SYNRG: variants seen among roughly 807,000 people sequenced by gnomAD.
The protein encoded by SYNRG is AP1 gamma subunit binding protein 1.
A neutral mutation model predicts 130.9 loss-of-function variants in SYNRG; 37 were observed. The ratio of observed to expected loss-of-function variants is 0.28; its 90% CI spans 0.22 to 0.37. SYNRG has a LOEUF of 0.37. Ranked by LOEUF, SYNRG falls within the 10% of genes least tolerant of loss-of-function variation. The pLI, the probability that SYNRG is intolerant of heterozygous loss-of-function variation, is 1.00. For missense variants in SYNRG, 1,338 were observed against 1,588.9 expected (o/e 0.84, Z 2.68); for synonymous variants, 539 against 568.1 (o/e 0.95, Z 0.73).
Position 37,584,748 on chromosome 17 carries a change from C to T in SYNRG, c.489G>A (p.Lys163=), listed in dbSNP as rs1352066699. ...TGGCTTCCAAAGCATCATCTCTACT[C>T]TTCTCTCCTGTCTAAGAGACAACAA... The part of the protein sequence containing the change: ...LSSVKPKTGE[K]SRDDALEAIK... Residue 163 remains lysine (K), a synonymous_variant, in exon 6 of 22, where the codon AAG becomes AAA. Transcript: ENST00000612223. 5 of 1,612,506 alleles carry T rather than the reference C, an allele frequency of 3.1e-6. No homozygotes were observed. The highest frequency in any genetic ancestry group is 1.3e-5 in the African/African-American group (1 of 75,036).
At chr17:37,540,627 CTT>C (rs2057664303) in intron 15 of SYNRG, 84 bp from the exon 16 acceptor site, 3 of 864,482 alleles carry the variant, frequency 3.5e-6, no homozygotes, top group Admixed American at 3.3e-5. Flanking sequence ...CCACAACCCT[CTT>C]CTTTTTTTTT....
At chr17:37,577,116 G>C (rs947279472) in intron 7 of SYNRG, among the ~76,000 whole-genome samples, 1 of 152,096 alleles carries the variant, frequency 6.6e-6, no homozygotes, top group Non-Finnish European at 1.5e-5. Context: ...AAAATAAAAG[G>C]AAAGAAAATT....
intron 1 of SYNRG, 112 bp downstream of exon 1, chr17:37,609,167 A>G: frequency 8.4e-7 from 1 of 1,192,304 alleles, no homozygotes; most frequent in Non-Finnish European, 1.1e-6. Context: ...CTCCTCCCGC[A>G]GCCCAGTTCC....
intron 13 of SYNRG, among the ~76,000 whole-genome samples, chr17:37,558,201 T>C (rs919810464): frequency 2.0e-5 from 3 of 152,218 alleles, no homozygotes; most frequent in African/African-American, 4.8e-5. Flanking sequence ...CTAACAGTTA[T>C]ATGGGGCTGA....
At chr17:37,593,878 CAAAAAA>C (rs36060397) in intron 3 of SYNRG, among the ~76,000 whole-genome samples, 1 of 89,570 alleles carries the variant, frequency 1.1e-5, no homozygotes. Context: ...AACTCCCTCT[CAAAAAA>C]AAAAAAAAAA....
At chr17:37,557,696 C>T (rs1008845590) in intron 13 of SYNRG, among the ~76,000 whole-genome samples, 3 of 152,124 alleles carry the variant, frequency 2.0e-5, no homozygotes, top group Non-Finnish European at 2.9e-5. Flanking sequence ...CTGGGCAACA[C>T]AGCAAGACCC....
intron 3 of SYNRG, among the ~76,000 whole-genome samples, chr17:37,589,652 G>A (rs776487156): frequency 5.3e-5 from 8 of 152,002 alleles, no homozygotes; most frequent in Non-Finnish European, 8.8e-5. Context: ...GGGAGGCTGA[G>A]GCAGGAGAAC....
At chr17:37,585,586 C>T (rs973083477) in intron 4 of SYNRG, among the ~76,000 whole-genome samples, 156 bp from the exon 5 acceptor site, 2 of 152,132 alleles carry the variant, frequency 1.3e-5, no homozygotes, top group African/African-American at 4.8e-5. Flanking sequence ...ATCCTGTTTC[C>T]TCACTATATT....
rs2144760540 is a variant in SYNRG, at chr17:37,539,336, T to C, written c.3367-91A>G. 6.6e-6 allele frequency: 9 copies of C among 1,353,466 alleles called. No individual in the cohort carries two copies. In the South Asian group the frequency reaches 9.9e-5, roughly 15 times the overall value. The allele number at this position is 1,353,466 out of a possible 1,614,324, so 83.8% of individuals were successfully genotyped here. ...TCAATTCAAAGTGCTTGGAGGACTT[T>C]CCTTTTTATTACGATCACTCTAGTT... On this transcript the variant is annotated intron_variant, in intron 16 of 21. Coordinates refer to ENST00000612223, the MANE Select transcript of SYNRG (RefSeq NM_007247.6).
chr17:37,579,283 G>A (rs754996054), intron 6 of SYNRG: 1 of 1,303,644 alleles, frequency 7.7e-7, no homozygotes. Context: ...GTGGGGTGGA[G>A]GGGTGGAAAG....
rs2064193148 is a variant in SYNRG at position 37,609,346 on chromosome 17, G to A, written c.10C>T (p.Arg4Trp). 67 of 1,455,904 alleles carry A rather than the reference G, an allele frequency of 4.6e-5. No individual in the cohort carries two copies. Among genetic ancestry groups the A allele is most frequent in the Non-Finnish European group, 5.7e-5 (63 of 1,110,418 alleles). The allele number at this position is 1,455,904 out of a possible 1,614,324, so 90.2% of individuals were successfully genotyped here. The change falls in exon 1 of 22, where the codon CGG becomes TGG. Residue 4 changes from arginine (R) to tryptophan (W), a missense_variant. By Grantham distance (101) the Arg-to-Trp change is moderately radical. Transcript: ENST00000612223. ...CCGCCACCAGAACCAGCTCCTGGCC[G>A]CAGCGCCATCTTGCTCCCGACCTGC... Reference protein sequence around the residue: MALRPGAGSGGGGA... With the variant: MALWPGAGSGGGGA...
At chr17:37,557,966 T>C (rs2059243787) in intron 13 of SYNRG, among the ~76,000 whole-genome samples, 1 of 152,252 alleles carries the variant, frequency 6.6e-6, no homozygotes, top group African/African-American at 2.4e-5. Context: ...AATACCATAT[T>C]ACACAAGAAT....
intron 2 of SYNRG, among the ~76,000 whole-genome samples, chr17:37,598,435 T>C (rs1260254199): frequency 5.9e-5 from 9 of 152,250 alleles, no homozygotes; most frequent in Non-Finnish European, 1.2e-4. Context: ...CACAGTAAGA[T>C]GTTTTCCGTC....
chr17:37,533,221 C>T (rs1305252787), intron 19 of SYNRG, among the ~76,000 whole-genome samples: 3 of 151,920 alleles, frequency 2.0e-5, no homozygotes, highest in Non-Finnish European at 4.4e-5. Context: ...GCCAAAATGG[C>T]GAGACCCCGT....
In SYNRG at chr17:37,525,846, A is replaced by G. The variant is rs990751523; in HGVS notation, c.3667-5198T>C. On this transcript the variant is annotated intron_variant, in intron 19 of 21. Transcript: ENST00000612223. ...CCAGGTGTGGTGGCGCTTGCCTGTA[A>G]TCCCAGCTATTCAGGAGGCTGAGGC... Among the ~76,000 whole-genome samples, 6 of 152,310 alleles carry G rather than the reference A, an allele frequency of 3.9e-5. No homozygotes were observed. The South Asian group carries it at 1.2e-3, about 32-fold the overall frequency.
chr17:37,518,748 G>T lies in SYNRG; in HGVS notation c.*192C>A. Reference sequence around the variant, plus strand: ...GAGCAAGCTTCTGGTGCCACGTGCAGTTTGGGTGGGACAATTTTACCTGAA... The same window carrying T: ...GAGCAAGCTTCTGGTGCCACGTGCATTTTGGGTGGGACAATTTTACCTGAA... On this transcript the variant is annotated 3_prime_UTR_variant, in exon 22 of 22. Transcript: ENST00000612223. 1.6e-6 allele frequency: 1 copy of T among 618,620 alleles called. No individual in the cohort carries two copies. The highest frequency in any genetic ancestry group is 2.7e-6 in the Non-Finnish European group (1 of 376,568). The allele number at this position is 618,620 out of a possible 1,614,324, so 38.3% of individuals were successfully genotyped here.
chr17:37,539,270 G>T, intron 16 of SYNRG, 25 bp from the exon 17 acceptor site: 1 of 1,611,554 alleles, frequency 6.2e-7, no homozygotes. Context: ...AAAAGAACTG[G>T]GTTAAACACA....
At chr17:37,578,089 T>A in intron 6 of SYNRG, among the ~76,000 whole-genome samples, 1 of 151,690 alleles carries the variant, frequency 6.6e-6, no homozygotes, top group East Asian at 2.0e-4. Flanking sequence ...CCCAGCACTT[T>A]GGGAGGCCAA....
At chr17:37,527,474 G>C (rs746503703) in intron 19 of SYNRG, among the ~76,000 whole-genome samples, 5 of 152,150 alleles carry the variant, frequency 3.3e-5, no homozygotes, top group African/African-American at 7.2e-5. Context: ...CATGGATAAA[G>C]AGTATCAAAG....
Sources: allele counts gnomAD v4.1 joint callset (sites outside exome capture counted in the v4.1 genomes callset), GRCh38; gene constraint gnomAD v4.1.1; transcripts MANE v1.5; gene names NCBI Gene and HGNC (gene_info 2026-07-23, HGNC 2026-07-21).